Variants in PM20D2 observed in about 807,000 individuals in gnomAD.
The protein encoded by PM20D2 is peptidase M20 domain containing 2.
PM20D2 carries 33 observed loss-of-function variants against 42.9 expected under a neutral mutation model. That is an observed-to-expected ratio of 0.77 (90% CI 0.58 to 1.03). The LOEUF is 1.03. Among genes scored for constraint, PM20D2 ranks in the 50% least tolerant of loss-of-function variants. PM20D2 has a pLI of 0.00. For synonymous variants in PM20D2, 250 were observed against 228.2 expected (o/e 1.10, Z -0.86); for missense variants, 548 against 557.0 (o/e 0.98, Z 0.16).
At chr6:89,101,222 A>G in the PM20D2 span, among the ~76,000 whole-genome samples, 1 of 152,228 alleles carries the variant, frequency 6.6e-6, no homozygotes, top group South Asian at 2.1e-4. Context: ...AGAACACAGC[A>G]GATGTATAGC....
chr6:89,101,613 G>C, the PM20D2 span, among the ~76,000 whole-genome samples: 358 of 151,936 alleles, frequency 2.4e-3, 4 homozygotes, highest in African/African-American at 7.9e-3. Context: ...CAGGAGAATC[G>C]CTTGAATCTG....
chr6:89,129,350 A>G, the PM20D2 span, among the ~76,000 whole-genome samples: 1 of 152,160 alleles, frequency 6.6e-6, no homozygotes, highest in Admixed American at 6.5e-5. Flanking sequence ...GAGCAAAAGA[A>G]GCCAGATACT....
At chr6:89,117,765 G>T in the PM20D2 span, 1 of 1,488,270 alleles carries the variant, frequency 6.7e-7, no homozygotes, top group East Asian at 3.0e-5. Context: ...GTGCTCCGCG[G>T]CGCGGCTGTT....
chr6:89,156,130 C>T (rs1191468044), intron 4 of PM20D2, among the ~76,000 whole-genome samples: 1 of 152,114 alleles, frequency 6.6e-6, no homozygotes, highest in Non-Finnish European at 1.5e-5. Flanking sequence ...GTGATCCACC[C>T]ACCTCAGCCT....
chr6:89,156,825 A>C (rs990565945), intron 4 of PM20D2, among the ~76,000 whole-genome samples: 1 of 152,226 alleles, frequency 6.6e-6, no homozygotes. Flanking sequence ...TTAATCGATA[A>C]ACATATGGAC....
At chr6:89,142,255 C>T (rs561633940), upstream of PM20D2, among the ~76,000 whole-genome samples, 3 of 152,314 alleles carry the variant, frequency 2.0e-5, no homozygotes, top group African/African-American at 7.2e-5. Context: ...CTTCCAACAC[C>T]TTAGCCCAGA....
chr6:89,118,438 C>T, the PM20D2 span, among the ~76,000 whole-genome samples: 1 of 152,212 alleles, frequency 6.6e-6, no homozygotes, highest in Non-Finnish European at 1.5e-5. Context: ...TCCTGCCCCT[C>T]TGGTCTTGAG....
chr6:89,156,970 A>G (rs908671152), intron 4 of PM20D2, among the ~76,000 whole-genome samples: 1 of 152,240 alleles, frequency 6.6e-6, no homozygotes, highest in Non-Finnish European at 1.5e-5. Context: ...AATTATAAAT[A>G]TTTATTTGTG....
the PM20D2 span, among the ~76,000 whole-genome samples, chr6:89,134,915 C>A: frequency 6.0e-4 from 91 of 151,052 alleles, 9 homozygotes; most frequent in African/African-American, 2.0e-3. Context: ...TGTAAATTAC[C>A]CTGCTGTGAG....
chr6:89,119,632 C>A, the PM20D2 span, among the ~76,000 whole-genome samples: 3 of 152,188 alleles, frequency 2.0e-5, no homozygotes, highest in Non-Finnish European at 4.4e-5. Flanking sequence ...TCTTGTAGTT[C>A]AGAGGCCAGA....
chr6:89,113,236 C>T, the PM20D2 span, among the ~76,000 whole-genome samples: 9,569 of 151,986 alleles, frequency 0.063, 877 homozygotes, highest in African/African-American at 0.2. Flanking sequence ...GTGCAGTGGC[C>T]GGTATTGGCT....
At position 89,163,450 on chromosome 6, in the gene PM20D2, G is replaced by C. The variant is rs553063998; in HGVS notation, c.*1187G>C. ...TCCTGTCTTGGCCTCCCAAAGTGTT[G>C]GGATTTCAGGTATGAGACACCACAC... On this transcript the variant is annotated 3_prime_UTR_variant, in exon 7 of 7. Coordinates refer to ENST00000275072, the MANE Select transcript of PM20D2 (RefSeq NM_001010853.3). 6.6e-5 allele frequency: 10 copies of C among 152,206 alleles called. No homozygotes were observed. Among genetic ancestry groups the C allele is most frequent in the Non-Finnish European group, 1.0e-4 (7 of 68,030 alleles). 9.4% of individuals were successfully genotyped at this position (152,206 alleles called of 1,614,324 possible). A position where few individuals can be genotyped will look rare whatever the true frequency, so the allele number is the denominator to read the frequency against.
intron 2 of PM20D2, among the ~76,000 whole-genome samples, chr6:89,150,625 C>T (rs1268631128): frequency 2.0e-5 from 3 of 148,854 alleles, no homozygotes; most frequent in Non-Finnish European, 4.5e-5. Flanking sequence ...CTGCAACCTC[C>T]GCATCCCAGG....
At chr6:89,114,756 T>A in the PM20D2 span, among the ~76,000 whole-genome samples, 1 of 152,214 alleles carries the variant, frequency 6.6e-6, no homozygotes, top group African/African-American at 2.4e-5. Context: ...TAAACATTTT[T>A]AAAATGCGTA....
At chr6:89,117,861 G>A in the PM20D2 span, 1 of 1,562,782 alleles carries the variant, frequency 6.4e-7, no homozygotes, top group Non-Finnish European at 8.6e-7. Context: ...ACAGGGAGGT[G>A]TTGGGGGGCC....
chr6:89,100,351 C>A, the PM20D2 span, among the ~76,000 whole-genome samples: 2 of 152,096 alleles, frequency 1.3e-5, no homozygotes, highest in Non-Finnish European at 2.9e-5. Flanking sequence ...AAGGGCCATG[C>A]CCTAGGAATA....
At chr6:89,127,867 C>T in the PM20D2 span, among the ~76,000 whole-genome samples, 1 of 152,200 alleles carries the variant, frequency 6.6e-6, no homozygotes, top group African/African-American at 2.4e-5. Flanking sequence ...GTGAAGATTT[C>T]ATGGACATTT....
the PM20D2 span, among the ~76,000 whole-genome samples, chr6:89,107,624 G>A: frequency 5.9e-5 from 9 of 152,144 alleles, no homozygotes; most frequent in East Asian, 5.8e-4. Flanking sequence ...CCAGCTACTC[G>A]GGAGGCTGAG....
chr6:89,135,126 TAAG>T, the PM20D2 span, among the ~76,000 whole-genome samples: 2 of 151,068 alleles, frequency 1.3e-5, no homozygotes. Context: ...TTGCTACAGA[TAAG>T]AAGAGAAAAT....
Sources: allele counts gnomAD v4.1 joint callset (sites outside exome capture counted in the v4.1 genomes callset), GRCh38; gene constraint gnomAD v4.1.1; transcripts MANE v1.5; gene names NCBI Gene and HGNC (gene_info 2026-07-23, HGNC 2026-07-21).